HDAC9: variants seen among roughly 807,000 people sequenced by gnomAD.
The protein encoded by HDAC9 is MEF-2 interacting transcription repressor (MITR) protein.
In HDAC9, 41 loss-of-function variants were observed where a neutral mutation model predicts 139.4. That is an observed-to-expected ratio of 0.29 (90% CI 0.23 to 0.38). HDAC9 has a LOEUF of 0.38. Ranked by LOEUF, HDAC9 falls within the 10% of genes least tolerant of loss-of-function variation. HDAC9 has a pLI of 1.00. For missense variants in HDAC9, 1,147 were observed against 1,297.0 expected, an observed-to-expected ratio of 0.88 and a Z score of 1.78; for synonymous variants, 517 against 476.2, an observed-to-expected ratio of 1.09 and a Z score of -1.12.
At chr7:18,662,079 G>C (rs1793354728) in intron 11 of HDAC9, among the ~76,000 whole-genome samples, 1 of 152,034 alleles carries the variant, frequency 6.6e-6, no homozygotes. Flanking sequence ...TCCTTAACTT[G>C]CTAACGATGG....
chr7:18,836,068 G>A, intron 21 of HDAC9, 71 bp downstream of exon 21: 1 of 778,370 alleles, frequency 1.3e-6, no homozygotes, highest in Non-Finnish European at 2.1e-6. Context: ...ACCAAATATG[G>A]AAGAGAAATG....
chr7:18,819,028 C>G (rs1172419867), intron 17 of HDAC9, among the ~76,000 whole-genome samples: 8 of 152,040 alleles, frequency 5.3e-5, no homozygotes, highest in Non-Finnish European at 4.4e-5. Context: ...GCCTGTAATG[C>G]CAGCACTTTA....
At chr7:18,477,656 G>A (rs17347800) in intron 1 of HDAC9, among the ~76,000 whole-genome samples, 10,211 of 152,122 alleles carry the variant, frequency 0.067, 431 homozygotes, top group South Asian at 0.14. Flanking sequence ...AAGCCAGAGA[G>A]GAGCTTATCA....
chr7:18,993,171 T>G lies in HDAC9; in HGVS notation c.3171-2852T>G, dbSNP rs533393008. ...GATTATATGAAGATAATGCCACCTCTACTGAGAGCTAGGGCTATGAGAAGA... is the reference window on the plus strand; with the variant it reads ...GATTATATGAAGATAATGCCACCTCGACTGAGAGCTAGGGCTATGAGAAGA... On this transcript the variant is annotated intron_variant, in intron 25 of 25. Coordinates refer to ENST00000686413, the MANE Select transcript of HDAC9 (RefSeq NM_178425.4). Among the ~76,000 whole-genome samples the G allele has an allele frequency of 4.1e-4, 30 of 72,954 alleles. No individual in the cohort carries two copies. In the East Asian group the frequency reaches 8.8e-3, roughly 21 times the overall value. 47.9% of individuals were successfully genotyped at this position (72,954 alleles called of 152,430 possible).
In HDAC9 at chr7:18,718,507, A is replaced by G. The variant is rs1018204392; in HGVS notation, c.1732-9073A>G. 1.3e-4 allele frequency among the ~76,000 whole-genome samples: 20 copies of G among 152,320 alleles called. No individual in the cohort carries two copies. The East Asian group carries it at 3.7e-3, about 28-fold the overall frequency. ...CTCGGCCTCCCAAAGTGTTAGGATTACAGGTGTGAGCCACCGTGCCTGGCA... is the reference window on the plus strand; with the variant it reads ...CTCGGCCTCCCAAAGTGTTAGGATTGCAGGTGTGAGCCACCGTGCCTGGCA... On this transcript the variant is annotated intron_variant, in intron 12 of 25. Coordinates refer to ENST00000686413, the MANE Select transcript of HDAC9 (RefSeq NM_178425.4).
intron 13 of HDAC9, among the ~76,000 whole-genome samples, chr7:18,730,232 A>G (rs1785927277): frequency 6.6e-6 from 1 of 152,162 alleles, no homozygotes; most frequent in Non-Finnish European, 1.5e-5. Flanking sequence ...CACCATCTTC[A>G]CTCTGCTATT....
intron 2 of HDAC9, among the ~76,000 whole-genome samples, chr7:18,165,581 G>A (rs914467662): frequency 6.6e-6 from 1 of 152,102 alleles, no homozygotes; most frequent in Non-Finnish European, 1.5e-5. Context: ...GAGCCCCGGG[G>A]TTCGAGACTA....
intron 1 of HDAC9, among the ~76,000 whole-genome samples, chr7:18,118,167 A>C (rs758119214): frequency 2.0e-5 from 3 of 152,236 alleles, no homozygotes; most frequent in Non-Finnish European, 4.4e-5. Context: ...CATGAGGATT[A>C]TATTGTTATT....
chr7:18,785,004 A>G (rs1791589505), intron 16 of HDAC9, among the ~76,000 whole-genome samples: 1 of 151,696 alleles, frequency 6.6e-6, no homozygotes, highest in African/African-American at 2.4e-5. Context: ...TTTTGTATAG[A>G]CTCATAAATT....
intron 2 of HDAC9, among the ~76,000 whole-genome samples, chr7:18,243,437 G>T (rs959755721): frequency 6.6e-6 from 1 of 152,188 alleles, no homozygotes; most frequent in African/African-American, 2.4e-5. Flanking sequence ...GTCCCTTACA[G>T]CTTTACCTGG....
chr7:18,764,304 C>CT (rs1426885071), intron 15 of HDAC9, among the ~76,000 whole-genome samples: 13 of 152,064 alleles, frequency 8.5e-5, no homozygotes, highest in African/African-American at 2.4e-4. Context: ...AGTTGATAAT[C>CT]TTAGAGTTAG....
chr7:18,946,939 C>G (rs1458896089), intron 23 of HDAC9, among the ~76,000 whole-genome samples: 2 of 151,882 alleles, frequency 1.3e-5, no homozygotes, highest in African/African-American at 4.8e-5. Flanking sequence ...TAAATTTGAA[C>G]TAATTGAATT....
chr7:18,992,929 C>T (rs1786108043), intron 25 of HDAC9, among the ~76,000 whole-genome samples: 1 of 152,182 alleles, frequency 6.6e-6, no homozygotes, highest in Admixed American at 6.5e-5. Flanking sequence ...CTGTCTTCAG[C>T]TCCCTGCATG....
At chr7:18,547,542 G>C (rs1334686964) in intron 2 of HDAC9, among the ~76,000 whole-genome samples, 1 of 152,046 alleles carries the variant, frequency 6.6e-6, no homozygotes, top group Non-Finnish European at 1.5e-5. Context: ...GCCGACTGTG[G>C]CACTTTCTTA....
chr7:18,147,699 A>G (rs1316890867), intron 1 of HDAC9, among the ~76,000 whole-genome samples: 2 of 150,882 alleles, frequency 1.3e-5, no homozygotes, highest in East Asian at 3.9e-4. Context: ...AATTTCACTC[A>G]CTGTCCAGAG....
intron 1 of HDAC9, among the ~76,000 whole-genome samples, chr7:18,334,177 G>T (rs1166113196): frequency 6.6e-6 from 1 of 151,262 alleles, no homozygotes; most frequent in Non-Finnish European, 1.5e-5. Flanking sequence ...GTTTTTGAAG[G>T]TCTCATACTC....
chr7:18,866,645 T>C (rs1311197815), intron 21 of HDAC9, among the ~76,000 whole-genome samples: 2 of 152,216 alleles, frequency 1.3e-5, no homozygotes, highest in Non-Finnish European at 1.5e-5. Context: ...AAATTACTTC[T>C]AAATGAATAT....
At chr7:18,897,983 C>A (rs1409615130) in intron 22 of HDAC9, among the ~76,000 whole-genome samples, 1 of 151,776 alleles carries the variant, frequency 6.6e-6, no homozygotes, top group Non-Finnish European at 1.5e-5. Flanking sequence ...TCTTCAGGAA[C>A]AAATACATTT....
At chr7:18,365,572 C>T (rs1784115513) in intron 1 of HDAC9, among the ~76,000 whole-genome samples, 1 of 151,828 alleles carries the variant, frequency 6.6e-6, no homozygotes, top group South Asian at 2.1e-4. Context: ...ATAGAAAATA[C>T]AGACAAGGGA....
Sources: allele counts gnomAD v4.1 joint callset (sites outside exome capture counted in the v4.1 genomes callset), GRCh38; gene constraint gnomAD v4.1.1; transcripts MANE v1.5; gene names NCBI Gene and HGNC (gene_info 2026-07-23, HGNC 2026-07-21).